DTNB: variants seen among roughly 807,000 people sequenced by gnomAD.
DTNB encodes the protein DTN-B.
A neutral mutation model predicts 90.7 loss-of-function variants in DTNB; 63 were observed. The observed-to-expected ratio is 0.69, with a 90% CI of 0.57 to 0.86. DTNB has a LOEUF of 0.86. DTNB is among the 40% of genes least tolerant of loss of function. The pLI is 0.00. For missense variants in DTNB, 744 were observed against 807.1 expected (o/e 0.92, Z 0.95); for synonymous variants, 277 against 286.7 (o/e 0.97, Z 0.34).
intron 11 of DTNB, among the ~76,000 whole-genome samples, chr2:25,454,007 G>C (rs1355328543): frequency 6.6e-6 from 1 of 152,124 alleles, no homozygotes; most frequent in African/African-American, 2.4e-5. Flanking sequence ...AAAATTAGCT[G>C]GGTGTGGTGA....
intron 9 of DTNB, among the ~76,000 whole-genome samples, chr2:25,495,608 T>G (rs1431748883): frequency 6.6e-6 from 1 of 152,202 alleles, no homozygotes; most frequent in African/African-American, 2.4e-5. Flanking sequence ...CTCGTGTGGA[T>G]AGTGTGGATC....
intron 8 of DTNB, among the ~76,000 whole-genome samples, chr2:25,550,703 G>A (rs1365974199): frequency 2.0e-5 from 3 of 152,106 alleles, no homozygotes; most frequent in Non-Finnish European, 4.4e-5. Context: ...AGGCTGGAGT[G>A]CAATGGCGTG....
chr2:25,490,085 G>C (rs1409972506), intron 9 of DTNB, among the ~76,000 whole-genome samples: 1 of 152,208 alleles, frequency 6.6e-6, no homozygotes, highest in African/African-American at 2.4e-5. Flanking sequence ...AGACCAGCCT[G>C]AGCAACATGG....
At chr2:25,449,964 G>A (rs1291512354) in intron 12 of DTNB, among the ~76,000 whole-genome samples, 1 of 151,878 alleles carries the variant, frequency 6.6e-6, no homozygotes, top group South Asian at 2.1e-4. Flanking sequence ...GGGTTTCACC[G>A]TGTTAGCCAG....
Position 25,596,067 on chromosome 2 carries a change from T to G in DTNB, c.603+19A>C. 6.4e-7 allele frequency: 1 copy of G among 1,570,600 alleles called. No homozygotes were observed. On this transcript the variant is annotated intron_variant, in intron 6 of 20. Transcript: ENST00000406818. ...GAAGAGCGCTCTTCTAGCCCTAGAT[T>G]CTATAAAACTGTCCTTACCTGCTGT... is the stretch of plus-strand genomic sequence containing the variant.
At chr2:25,397,341 A>T (rs2042646860) in intron 16 of DTNB, among the ~76,000 whole-genome samples, 1 of 150,782 alleles carries the variant, frequency 6.6e-6, no homozygotes, top group Admixed American at 6.6e-5. Flanking sequence ...CTGTCTCAAA[A>T]AAAAAAAAAA....
At chr2:25,607,095 A>T in intron 5 of DTNB, 141 bp downstream of exon 5, 2 of 806,332 alleles carry the variant, frequency 2.5e-6, no homozygotes, top group South Asian at 2.1e-5. Context: ...TAACTCACCT[A>T]CTGTGAGCCA....
chr2:25,637,761 G>T (rs2148821079), intron 3 of DTNB, among the ~76,000 whole-genome samples: 1 of 152,274 alleles, frequency 6.6e-6, no homozygotes, highest in East Asian at 1.9e-4. Context: ...GCTGCTGGTG[G>T]GACTGTAAAC....
intron 2 of DTNB, among the ~76,000 whole-genome samples, chr2:25,645,344 C>G (rs1444776901): frequency 8.0e-6 from 1 of 125,158 alleles, no homozygotes; most frequent in South Asian, 2.5e-4. Flanking sequence ...GGTGACAGAG[C>G]AAGACTCCAT....
At chr2:25,466,851 C>T (rs571912110) in intron 10 of DTNB, among the ~76,000 whole-genome samples, 157 of 152,236 alleles carry the variant, frequency 1.0e-3, no homozygotes, top group African/African-American at 3.6e-3. Context: ...GTTGTTTCTC[C>T]TCAAACAATG....
chr2:25,384,224 T>C (rs1573637689), intron 18 of DTNB, among the ~76,000 whole-genome samples: 1 of 152,282 alleles, frequency 6.6e-6, no homozygotes, highest in Admixed American at 6.5e-5. Context: ...AGACATCTAA[T>C]GTCTTGCATT....
intron 9 of DTNB, among the ~76,000 whole-genome samples, chr2:25,504,554 C>CAGAAAGAAAGAA (rs145795119): frequency 9.0e-6 from 1 of 110,994 alleles, no homozygotes; most frequent in Non-Finnish European, 1.8e-5. Flanking sequence ...GAAGGCAAGG[C>CAGAAAGAAAGAA]AGAAAGAAAG....
intron 10 of DTNB, among the ~76,000 whole-genome samples, chr2:25,468,476 A>G (rs1463749623): frequency 6.6e-6 from 1 of 152,210 alleles, no homozygotes; most frequent in South Asian, 2.1e-4. Flanking sequence ...GTTTGAAGGT[A>G]GTATGTAAGT....
chr2:25,451,436 G>C, intron 12 of DTNB, 112 bp downstream of exon 12: 1 of 1,130,396 alleles, frequency 8.8e-7, no homozygotes, highest in South Asian at 1.8e-5. Context: ...AAAGTGGAAA[G>C]TGTCCCCGAG....
intron 8 of DTNB, among the ~76,000 whole-genome samples, chr2:25,551,092 T>G (rs1033748358): frequency 2.6e-5 from 4 of 152,362 alleles, no homozygotes; most frequent in African/African-American, 9.6e-5. Flanking sequence ...ATGCTGAGTT[T>G]TGGAAGAACT....
At chr2:25,390,119 G>T (rs1003154927) in intron 16 of DTNB, among the ~76,000 whole-genome samples, 4 of 152,126 alleles carry the variant, frequency 2.6e-5, no homozygotes, top group African/African-American at 4.8e-5. Flanking sequence ...ATATGTGCAT[G>T]TATAGCTATG....
rs994035289 is a variant in DTNB at position 25,634,779 on chromosome 2, A to T, written c.148+4235T>A. On this transcript the variant is annotated intron_variant, in intron 3 of 20. Coordinates refer to ENST00000406818, the MANE Select transcript of DTNB (RefSeq NM_021907.5). ...TACCCCCAACCCTGTGCTCTCTGAA[A>T]CATGTGCTGTGTCCACTCAGGGTTA... 1.0e-4 allele frequency among the ~76,000 whole-genome samples: 12 copies of T among 114,476 alleles called. 2 individuals are homozygous for T. The highest frequency in any genetic ancestry group is 1.8e-4 in the Non-Finnish European group (9 of 48,784). The allele number at this position is 114,476 out of a possible 152,430, so 75.1% of individuals were successfully genotyped here.
intron 14 of DTNB, among the ~76,000 whole-genome samples, chr2:25,429,544 A>G (rs915353131): frequency 9.2e-5 from 14 of 152,190 alleles, no homozygotes; most frequent in African/African-American, 3.4e-4. Flanking sequence ...TGATCACTTC[A>G]GCAGGGACTG....
At chr2:25,598,265 A>G (rs1463576916) in intron 5 of DTNB, among the ~76,000 whole-genome samples, 1 of 152,082 alleles carries the variant, frequency 6.6e-6, no homozygotes, top group Non-Finnish European at 1.5e-5. Context: ...ATCTTGCACT[A>G]TGTGGTAATC....
Sources: allele counts gnomAD v4.1 joint callset (sites outside exome capture counted in the v4.1 genomes callset), GRCh38; gene constraint gnomAD v4.1.1; transcripts MANE v1.5; gene names NCBI Gene and HGNC (gene_info 2026-07-23, HGNC 2026-07-21).